PLCB3: variants seen among roughly 807,000 people sequenced by gnomAD.
The protein encoded by PLCB3 is phospholipase C beta 3.
Under a neutral mutation model 152.1 loss-of-function variants are expected in PLCB3, and 54 were observed. The ratio of observed to expected loss-of-function variants is 0.36; its 90% CI spans 0.29 to 0.45. PLCB3 has a LOEUF of 0.45. Ranked by LOEUF, PLCB3 falls within the 20% of genes least tolerant of loss-of-function variation. PLCB3 has a pLI of 1.00. For missense variants in PLCB3, 1,248 were observed against 1,687.5 expected (o/e 0.74, Z 4.56); for synonymous variants, 717 against 698.7 (o/e 1.03, Z -0.41).
Position 64,260,161 on chromosome 11 carries a change from C to T in PLCB3, c.1658C>T (p.Ala553Val), listed in dbSNP as rs1308547507. 1 of 1,609,128 alleles carries T rather than the reference C, an allele frequency of 6.2e-7. No individual in the cohort carries two copies. ...LNRGPYVLGP[A>V]DREDEEEDEE... Reference sequence around the variant, plus strand: ...CGAGGCCCCTATGTTCTTGGACCTGCTGACCGTGAGGATGAGGAGGAAGAT... The same window carrying T: ...CGAGGCCCCTATGTTCTTGGACCTGTTGACCGTGAGGATGAGGAGGAAGAT... The change falls in exon 14 of 31, where the codon GCT (alanine) becomes GTT (valine). Residue 553 changes from alanine (A) to valine (V), a missense_variant. This residue lies in a region of PLCB3 where 105 missense variants were observed against 100.9 expected (regional missense o/e 1.04). Coordinates refer to ENST00000279230, the MANE Select transcript of PLCB3 (RefSeq NM_000932.5).
At chr11:64,252,187 G>A (rs980227523) in intron 1 of PLCB3, among the ~76,000 whole-genome samples, 1 of 151,904 alleles carries the variant, frequency 6.6e-6, no homozygotes, top group Non-Finnish European at 1.5e-5. Flanking sequence ...TCTCCCCGGT[G>A]CCCTGCCTGA....
Position 64,261,656 on chromosome 11 carries a change from A to G in PLCB3, c.1904A>G (p.Glu635Gly), listed in dbSNP as rs1349404174. The G allele has an allele frequency of 2.5e-6, 4 of 1,612,992 alleles. No homozygotes were observed. Among genetic ancestry groups the G allele is most frequent in the Non-Finnish European group, 3.4e-6 (4 of 1,179,198 alleles). Residue 635 changes from glutamate to glycine, a missense_variant, in exon 16 of 31, where the codon GAG becomes GGG. Around this residue, in one of 6 missense-constraint regions of PLCB3, gnomAD observed 244 missense variants for 424.4 expected, o/e 0.57. Transcript: ENST00000279230. The stretch of plus-strand genomic sequence containing the variant: ...GAGCAACTGACCAAGAGCCCCATGG[A>G]GTTTGTGGAGTATCCTTTGAAGGTG... ...AMEQLTKSPMEFVEYNKQQLS... is the reference protein window; with the variant it reads ...AMEQLTKSPMGFVEYNKQQLS...
chr11:64,259,269 C>T (rs1365533586), intron 13 of PLCB3, 25 bp downstream of exon 13: 1 of 1,471,560 alleles, frequency 6.8e-7, no homozygotes, highest in Non-Finnish European at 9.0e-7. Context: ...GGCCCGCCAC[C>T]CTGACTTGAC....
Position 64,254,778 on chromosome 11 carries a change from AG to A in PLCB3, c.211del (p.Asp71ThrfsTer33). 6.2e-7 allele frequency: 1 copy of A among 1,613,502 alleles called. No individual in the cohort carries two copies. On this transcript the variant is annotated frameshift_variant, in exon 3 of 31. Transcript: ENST00000279230. LOFTEE classifies it high-confidence loss of function. ...EVDTLDISSI[R>X]DTRTGRYARL... Reference sequence around the variant, plus strand: ...GGACACACTGGACATCAGTTCCATCAGGGACACACGGACAGGCCGGTACGCC... The same window carrying A: ...GGACACACTGGACATCAGTTCCATCAGGACACACGGACAGGCCGGTACGCC...
Position 64,265,457 on chromosome 11 carries a change from C to G in PLCB3, c.2990C>G (p.Ala997Gly), listed in dbSNP as rs866153827. ...ACCCGCCGCCTGCTGGATGGCCTGG[C>G]TCAGGCACAGGCTGAGGGCAGGTGC... ...TLTRRLLDGL[A>G]QAQAEGRCRL... is the part of the protein sequence containing the mutation. The change falls in exon 25 of 31, where the codon GCT (alanine) becomes GGT (glycine). Residue 997 changes from alanine (A) to glycine (G), a missense_variant. By Grantham distance (60) the Ala-to-Gly change is moderately conservative. Around this residue, in one of 6 missense-constraint regions of PLCB3, gnomAD observed 477 missense variants for 489.6 expected, o/e 0.97. Coordinates refer to ENST00000279230, the MANE Select transcript of PLCB3 (RefSeq NM_000932.5). The G allele has an allele frequency of 1.2e-6, 2 of 1,609,074 alleles. No homozygotes were observed. Among genetic ancestry groups the G allele is most frequent in the Non-Finnish European group, 8.5e-7 (1 of 1,179,760 alleles).
At chr11:64,264,894 A>C in intron 22 of PLCB3, 57 bp from the exon 23 acceptor site, 3 of 1,581,504 alleles carry the variant, frequency 1.9e-6, no homozygotes, top group Non-Finnish European at 2.6e-6. Context: ...GGTAGAGGAC[A>C]GAAGGGTCTG....
rs1646082985 is a variant in PLCB3, at chr11:64,251,576, C to A, written c.-74C>A. The A allele has an allele frequency of 1.6e-6, 1 of 617,234 alleles. No homozygotes were observed. The highest frequency in any genetic ancestry group is 2.3e-6 in the Non-Finnish European group (1 of 439,202). 38.2% of individuals were successfully genotyped at this position (617,234 alleles called of 1,614,324 possible). A position where few individuals can be genotyped will look rare whatever the true frequency, so the allele number is the denominator to read the frequency against. On this transcript the variant is annotated 5_prime_UTR_variant, in exon 1 of 31. Coordinates refer to ENST00000279230, the MANE Select transcript of PLCB3 (RefSeq NM_000932.5). ...CTGACGCCGCGGGGCCGGAGCGGGC[C>A]GCGCGGTGGGAGCAGCGGCGCCGTC...
chr11:64,265,786 G>T lies in PLCB3; in HGVS notation c.3036-100G>T, dbSNP rs1591116213. The T allele has an allele frequency of 2.1e-6, 3 of 1,441,110 alleles. No homozygotes were observed. The East Asian group carries it at 7.4e-5, about 36-fold the overall frequency. 89.3% of individuals were successfully genotyped at this position (1,441,110 alleles called of 1,614,324 possible). The stretch of plus-strand genomic sequence containing the variant: ...ATAACAGACCTGGCCCCATGGGATG[G>T]TGTCTGCCATCGCTTGCCAGGATGT... On this transcript the variant is annotated intron_variant, in intron 25 of 30. Transcript: ENST00000279230.
Position 64,261,652 on chromosome 11 carries a change from A to G in PLCB3, c.1900A>G (p.Met634Val). 6.2e-7 allele frequency: 1 copy of G among 1,613,452 alleles called. No individual in the cohort carries two copies. The highest frequency in any genetic ancestry group is 8.5e-7 in the Non-Finnish European group (1 of 1,179,560). The change falls in exon 16 of 31, where the codon ATG (methionine) becomes GTG (valine). Residue 634 changes from methionine to valine, a missense_variant. By Grantham distance (21) the Met-to-Val change is conservative. Coordinates refer to ENST00000279230, the MANE Select transcript of PLCB3 (RefSeq NM_000932.5). ...KAMEQLTKSP[M>V]EFVEYNKQQL... ...CATGGAGCAACTGACCAAGAGCCCC[A>G]TGGAGTTTGTGGAGTATCCTTTGAA...
At chr11:64,259,503 C>G (rs1389313093) in intron 13 of PLCB3, among the ~76,000 whole-genome samples, 1 of 152,186 alleles carries the variant, frequency 6.6e-6, no homozygotes, top group Non-Finnish European at 1.5e-5. Context: ...AGCCTTCCCA[C>G]AACCCGGTGA....
rs2031987102 is a variant in PLCB3 at position 64,264,012 on chromosome 11, T to G, written c.2561-9T>G. 1 of 1,564,218 alleles carries G rather than the reference T, an allele frequency of 6.4e-7. No homozygotes were observed. The stretch of plus-strand genomic sequence containing the variant: ...GTCTCTGAGACCTTGGCCTTCTGCC[T>G]CCCCCCAGACTATGCGGAGGCCCTG... On this transcript the variant is annotated splice_polypyrimidine_tract_variant and intron_variant, in intron 21 of 30. Transcript: ENST00000279230.
intron 1 of PLCB3, among the ~76,000 whole-genome samples, chr11:64,253,229 C>A (rs145803045): frequency 3.3e-5 from 5 of 152,316 alleles, no homozygotes; most frequent in African/African-American, 1.2e-4. Flanking sequence ...CAGAAGTCTC[C>A]GCTCCCTGCT....
Position 64,261,578 on chromosome 11 carries a change from A to G in PLCB3, c.1829-3A>G. ...TGACGCCCTTTCTTGGCTCACCCCTAAGAGAGGAACAAATGCTTCGAGATG... is the reference window on the plus strand; with the variant it reads ...TGACGCCCTTTCTTGGCTCACCCCTGAGAGAGGAACAAATGCTTCGAGATG... On this transcript the variant is annotated splice_region_variant and splice_polypyrimidine_tract_variant and intron_variant, in intron 15 of 30. Transcript: ENST00000279230. 3.1e-6 allele frequency: 5 copies of G among 1,614,094 alleles called. No homozygotes were observed. Among genetic ancestry groups the G allele is most frequent in the Non-Finnish European group, 4.2e-6 (5 of 1,179,930 alleles).
chr11:64,254,864 G>A (rs775846731), intron 3 of PLCB3, 34 bp from the exon 4 acceptor site: 1 of 1,613,550 alleles, frequency 6.2e-7, no homozygotes, highest in Admixed American at 1.7e-5. Flanking sequence ...CTGTGCGGGA[G>A]CCCCCTCTTC....
rs1294183572 is a variant in PLCB3, at chr11:64,261,411, C to T, written c.1743C>T (p.Ser581=). 3 of 1,613,494 alleles carry T rather than the reference C, an allele frequency of 1.9e-6. No individual in the cohort carries two copies. The highest frequency in any genetic ancestry group is 2.5e-6 in the Non-Finnish European group (3 of 1,179,612). ...GTTGGGGCCCACAGGGCACAGCCAG[C>T]AGCGAGGTGAATGCCACTGAGGAGA... The part of the protein sequence containing the change: ...KKPTTDEGTA[S]SEVNATEEMS... Residue 581 remains serine (S), a synonymous_variant, in exon 15 of 31, where the codon AGC becomes AGT. Transcript: ENST00000279230.
rs2031647419 is a variant in PLCB3, at chr11:64,258,298, G to A, written c.1013-175G>A. Among the ~76,000 whole-genome samples, 1 of 152,146 alleles carries A rather than the reference G, an allele frequency of 6.6e-6. No homozygotes were observed. Among genetic ancestry groups the A allele is most frequent in the African/African-American group, 2.4e-5 (1 of 41,434 alleles). On this transcript the variant is annotated intron_variant, in intron 10 of 30. Coordinates refer to ENST00000279230, the MANE Select transcript of PLCB3 (RefSeq NM_000932.5). The surrounding 1 kb of genome is among the most constrained non-coding windows in gnomAD (Gnocchi z 7.2). ...TGTTGAGGCAGTGGGGAGCTATAGT[G>A]AGTCTCAGGGATGACTCCCCCCAGC...
intron 22 of PLCB3, among the ~76,000 whole-genome samples, chr11:64,264,448 C>T (rs543636149): frequency 2.6e-5 from 4 of 152,248 alleles, no homozygotes; most frequent in Admixed American, 6.5e-5. Flanking sequence ...GGGTCAGGCA[C>T]GGAGGTTCAC....
Position 64,265,015 on chromosome 11 carries a change from C to G in PLCB3, c.2717C>G (p.Ser906Ter). The G allele has an allele frequency of 6.2e-7, 1 of 1,608,684 alleles. No individual in the cohort carries two copies. ...CAGCAGCTGGGGTCTCAGCCGTCCT[C>G]AAACCCCACCCCCAGCCCACTGGAT... ...QSQQLGSQPS[S>*]NPTPSPLDAS... The change falls in exon 23 of 31, where the codon TCA (serine) becomes TGA (stop). Residue 906 changes from serine to a stop codon, truncating the protein, a stop_gained. Coordinates refer to ENST00000279230, the MANE Select transcript of PLCB3 (RefSeq NM_000932.5). LOFTEE classifies it high-confidence loss of function.
chr11:64,256,344 T>C, intron 8 of PLCB3, 32 bp from the exon 9 acceptor site: 1 of 1,604,874 alleles, frequency 6.2e-7, no homozygotes, highest in South Asian at 1.1e-5. Flanking sequence ...CCTGCCAGGC[T>C]CCATCCTGAC....
Sources: gnomAD v4.1 joint callset for allele counts (sites outside exome capture counted in the v4.1 genomes callset) on GRCh38, gnomAD v4.1.1 for gene constraint, gnomAD v4.1.1 regional missense constraint, Gnocchi (gnomAD v3.1) non-coding constraint, MANE v1.5 for transcripts, NCBI Gene and HGNC (gene_info 2026-07-23, HGNC 2026-07-21) for gene names.